PPME1: variants seen among roughly 807,000 people sequenced by gnomAD.
PPME1 encodes protein phosphatase methylesterase 1, also known as testicular secretory protein Li 39.
PPME1 carries 17 observed loss-of-function variants against 56.9 expected under a neutral mutation model. That is an observed-to-expected ratio of 0.30 (90% CI 0.20 to 0.45). The LOEUF (loss-of-function observed/expected upper bound fraction) is 0.45, where lower values mean the gene tolerates loss of function less well. Ranked by LOEUF, PPME1 falls within the 20% of genes least tolerant of loss-of-function variation. PPME1 has a pLI of 1.00. For missense variants in PPME1, 357 were observed against 483.2 expected, an observed-to-expected ratio of 0.74 and a Z score of 2.45; for synonymous variants, 122 against 156.2, an observed-to-expected ratio of 0.78 and a Z score of 1.63.
chr11:74,240,482 G>T (rs1315156401), intron 9 of PPME1, among the ~76,000 whole-genome samples: 2 of 152,304 alleles, frequency 1.3e-5, no homozygotes, highest in African/African-American at 4.8e-5. Flanking sequence ...ACTAGGGATG[G>T]TTTCGATTAT....
At position 74,253,665 on chromosome 11, in the gene PPME1, G is replaced by T; in HGVS notation, c.*155G>T. The T allele has an allele frequency of 1.2e-6, 1 of 801,242 alleles. No individual in the cohort carries two copies. 49.6% of individuals were successfully genotyped at this position (801,242 alleles called of 1,614,324 possible). A position where few individuals can be genotyped will look rare whatever the true frequency, so the allele number is the denominator to read the frequency against. ...CCCCGAGATGTACCAACCTTTTCAT[G>T]TATTCTGCCAAAAGCATTGTTTTCC... is the stretch of plus-strand genomic sequence containing the variant. On this transcript the variant is annotated 3_prime_UTR_variant, in exon 14 of 14. Transcript: ENST00000328257.
intron 13 of PPME1, among the ~76,000 whole-genome samples, chr11:74,252,238 T>G (rs1317079422): frequency 1.4e-5 from 2 of 147,972 alleles, no homozygotes; most frequent in Non-Finnish European, 3.0e-5. Context: ...CGGCTAATTT[T>G]GTTTTTTTTT....
At chr11:74,202,131 A>G (rs1858185790) in intron 1 of PPME1, among the ~76,000 whole-genome samples, 1 of 152,354 alleles carries the variant, frequency 6.6e-6, no homozygotes, top group East Asian at 1.9e-4. Flanking sequence ...GACCAAGTTC[A>G]TAATGTGTCA....
chr11:74,237,350 A>T (rs986376401), intron 8 of PPME1, among the ~76,000 whole-genome samples: 3 of 145,416 alleles, frequency 2.1e-5, no homozygotes, highest in Non-Finnish European at 4.5e-5. Flanking sequence ...ATCTCAGCTC[A>T]CTGCAACCTC....
chr11:74,210,971 C>T (rs1259527729), intron 3 of PPME1, among the ~76,000 whole-genome samples: 1 of 152,124 alleles, frequency 6.6e-6, no homozygotes, highest in East Asian at 1.9e-4. Context: ...TATTCTCTCT[C>T]TACAAAATCA....
At chr11:74,176,555 C>CA (rs1240110953) in intron 1 of PPME1, among the ~76,000 whole-genome samples, 2 of 151,858 alleles carry the variant, frequency 1.3e-5, no homozygotes, top group Non-Finnish European at 2.9e-5. Context: ...CAATTACCAC[C>CA]ACTAATTGCA....
chr11:74,180,884 A>G (rs1284520865), intron 1 of PPME1, among the ~76,000 whole-genome samples: 1 of 152,196 alleles, frequency 6.6e-6, no homozygotes, highest in African/African-American at 2.4e-5. Flanking sequence ...CACCAAGTTT[A>G]GGGACCAGAG....
chr11:74,230,799 G>A lies in PPME1; in HGVS notation c.554-113G>A, dbSNP rs973257070. The A allele has an allele frequency of 6.0e-6, 5 of 836,366 alleles. No homozygotes were observed. The highest frequency in any genetic ancestry group is 5.4e-5 in the East Asian group (2 of 37,160). 51.8% of individuals were successfully genotyped at this position (836,366 alleles called of 1,614,324 possible). A position where few individuals can be genotyped will look rare whatever the true frequency, so the allele number is the denominator to read the frequency against. On this transcript the variant is annotated intron_variant, in intron 6 of 13. Transcript: ENST00000328257. The surrounding 1 kb of genome is among the most constrained non-coding windows in gnomAD (Gnocchi z 4.9). ...TTGAGGGCCATCTTTATTTCTCTGC[G>A]AGCATCACTAAATTCTGCTGTCATC...
intron 1 of PPME1, among the ~76,000 whole-genome samples, chr11:74,174,457 A>G (rs1398384064): frequency 3.9e-5 from 6 of 152,208 alleles, no homozygotes; most frequent in South Asian, 4.1e-4. Context: ...CCTTATGCTT[A>G]CTTGCTTTTT....
At chr11:74,202,441 T>C (rs1009033189) in intron 1 of PPME1, among the ~76,000 whole-genome samples, 1 of 152,216 alleles carries the variant, frequency 6.6e-6, no homozygotes, top group Non-Finnish European at 1.5e-5. Context: ...TATCCCTTCC[T>C]ACCCAGCCGC....
At chr11:74,225,443 T>C (rs917141554) in intron 5 of PPME1, among the ~76,000 whole-genome samples, 187 bp downstream of exon 5, 7 of 152,170 alleles carry the variant, frequency 4.6e-5, no homozygotes, top group Admixed American at 2.6e-4. Flanking sequence ...ACCTGCGTCT[T>C]TCTTGGTGTG....
intron 9 of PPME1, among the ~76,000 whole-genome samples, chr11:74,244,137 T>A (rs1398892593): frequency 6.6e-6 from 1 of 152,234 alleles, no homozygotes; most frequent in Non-Finnish European, 1.5e-5. Context: ...GAATTATATA[T>A]GTATATACCA....
chr11:74,239,288 C>A, intron 9 of PPME1, 32 bp downstream of exon 9: 2 of 1,605,348 alleles, frequency 1.2e-6, no homozygotes, highest in South Asian at 2.2e-5. Context: ...TGAAAAGATG[C>A]GGTATGGAAT....
At chr11:74,178,555 G>T (rs1040809483) in intron 1 of PPME1, among the ~76,000 whole-genome samples, 3 of 152,192 alleles carry the variant, frequency 2.0e-5, no homozygotes, top group Non-Finnish European at 4.4e-5. Context: ...ACAGCATCTG[G>T]CCCAAATCCT....
intron 7 of PPME1, among the ~76,000 whole-genome samples, chr11:74,235,410 T>A (rs1188518632): frequency 6.6e-6 from 1 of 152,116 alleles, no homozygotes; most frequent in East Asian, 1.9e-4. Context: ...ATCATTATCC[T>A]GCCGACTTTC....
chr11:74,177,763 G>T (rs865993833), intron 1 of PPME1, among the ~76,000 whole-genome samples: 2 of 152,000 alleles, frequency 1.3e-5, no homozygotes, highest in Non-Finnish European at 2.9e-5. Flanking sequence ...TAGAATAAAC[G>T]TTTTTATGAT....
At chr11:74,245,972 A>C in intron 9 of PPME1, 104 bp from the exon 10 acceptor site, 1 of 1,337,852 alleles carries the variant, frequency 7.5e-7, no homozygotes, top group Non-Finnish European at 1.0e-6. Flanking sequence ...GGTCCTTAAT[A>C]AGTGCTAGTT....
intron 9 of PPME1, chr11:74,243,399 C>A (rs1859425361): frequency 6.6e-6 from 1 of 151,204 alleles, no homozygotes; most frequent in South Asian, 2.1e-4. Flanking sequence ...TTAAATTTGT[C>A]ATTTCCCTGT....
chr11:74,175,572 A>G (rs57115412), intron 1 of PPME1, among the ~76,000 whole-genome samples: 19,954 of 151,846 alleles, frequency 0.13, 3,602 homozygotes, highest in African/African-American at 0.41. Context: ...CAAGAGATAG[A>G]GTCTTGCTGT....
Sources: allele counts gnomAD v4.1 joint callset (sites outside exome capture counted in the v4.1 genomes callset), GRCh38; gene constraint gnomAD v4.1.1; non-coding constraint Gnocchi (gnomAD v3.1); transcripts MANE v1.5; gene names NCBI Gene and HGNC (gene_info 2026-07-23, HGNC 2026-07-21).